The following MFHAS1 variants were observed in gnomAD, a reference collection of about 807,000 sequenced individuals.
MFHAS1 encodes malignant fibrous histiocytoma-amplified sequence 1.
Under a neutral mutation model 70.4 loss-of-function variants are expected in MFHAS1, and 50 were observed. The ratio of observed to expected loss-of-function variants is 0.71; its 90% CI spans 0.57 to 0.90. The LOEUF is 0.90. MFHAS1 is among the 40% of genes least tolerant of loss of function. The probability of loss-of-function intolerance (pLI) is 0.00; values close to 1 mark genes in which losing one functional copy is unlikely to be tolerated. For synonymous variants in MFHAS1, 952 were observed against 620.0 expected (o/e 1.54, Z -7.96); for missense variants, 1,795 against 1,347.6 (o/e 1.33, Z -5.20).
intron 1 of MFHAS1, among the ~76,000 whole-genome samples, chr8:8,829,190 G>C (rs1193113415): frequency 6.6e-6 from 1 of 151,746 alleles, no homozygotes; most frequent in African/African-American, 2.4e-5. Flanking sequence ...TCTGGGTGCG[G>C]AGCGCCCTCC....
chr8:8,866,856 T>C (rs950689922), intron 1 of MFHAS1, among the ~76,000 whole-genome samples: 2 of 152,214 alleles, frequency 1.3e-5, no homozygotes, highest in African/African-American at 4.8e-5. Context: ...AATAAAATCG[T>C]GATATGAATT....
intron 1 of MFHAS1, among the ~76,000 whole-genome samples, chr8:8,808,348 G>C (rs1477842013): frequency 6.6e-6 from 1 of 152,124 alleles, no homozygotes; most frequent in African/African-American, 2.4e-5. Context: ...TCCCCACGCT[G>C]TAAACGCTCC....
At chr8:8,868,106 C>G (rs1397589068) in intron 1 of MFHAS1, among the ~76,000 whole-genome samples, 1 of 152,026 alleles carries the variant, frequency 6.6e-6, no homozygotes, top group East Asian at 1.9e-4. Flanking sequence ...GATCCATTTT[C>G]TAGACCAAGT....
intron 1 of MFHAS1, among the ~76,000 whole-genome samples, chr8:8,839,034 C>T (rs1240233246): frequency 1.3e-5 from 2 of 152,040 alleles, no homozygotes; most frequent in Admixed American, 6.6e-5. Context: ...AAGACAAATG[C>T]TATTAAGAAA....
chr8:8,840,180 G>C (rs1398836335), intron 1 of MFHAS1, among the ~76,000 whole-genome samples: 1 of 152,134 alleles, frequency 6.6e-6, no homozygotes, highest in Non-Finnish European at 1.5e-5. Flanking sequence ...TTACTGGCCG[G>C]GCACAGTGAC....
intron 1 of MFHAS1, among the ~76,000 whole-genome samples, chr8:8,844,174 C>G (rs1440738409): frequency 6.6e-6 from 1 of 152,218 alleles, no homozygotes; most frequent in Non-Finnish European, 1.5e-5. Flanking sequence ...TTCTCAGGCT[C>G]AGCTTTGTCA....
intron 1 of MFHAS1, among the ~76,000 whole-genome samples, chr8:8,889,750 C>T (rs1172352728): frequency 2.0e-5 from 3 of 152,208 alleles, no homozygotes; most frequent in African/African-American, 4.8e-5. Flanking sequence ...ATCTGTTCAA[C>T]CACCTGAAAT....
intron 1 of MFHAS1, among the ~76,000 whole-genome samples, chr8:8,829,567 G>C (rs1243511760): frequency 6.6e-6 from 1 of 152,168 alleles, no homozygotes; most frequent in East Asian, 1.9e-4. Flanking sequence ...TGTAATCCCA[G>C]CTACTGAGGA....
intron 1 of MFHAS1, among the ~76,000 whole-genome samples, chr8:8,864,221 T>A (rs1163261828): frequency 6.6e-6 from 1 of 152,192 alleles, no homozygotes; most frequent in East Asian, 1.9e-4. Context: ...AAATCTCTGG[T>A]GTTCTGGTAA....
intron 1 of MFHAS1, among the ~76,000 whole-genome samples, chr8:8,875,102 T>C (rs1809239909): frequency 6.6e-6 from 1 of 152,140 alleles, no homozygotes; most frequent in Non-Finnish European, 1.5e-5. Context: ...GTTGAGGAGG[T>C]ACAGTGAAAA....
intron 1 of MFHAS1, among the ~76,000 whole-genome samples, chr8:8,885,602 G>A (rs938375455): frequency 6.6e-6 from 1 of 152,142 alleles, no homozygotes. Flanking sequence ...TCTAAGACAA[G>A]TATACAGGAC....
At chr8:8,854,514 C>A (rs1245720515) in intron 1 of MFHAS1, among the ~76,000 whole-genome samples, 2 of 108,594 alleles carry the variant, frequency 1.8e-5, no homozygotes, top group Non-Finnish European at 3.5e-5. Flanking sequence ...GAGCGAGACT[C>A]TGTCTCAAAA....
At chr8:8,822,396 G>A (rs1269181936) in intron 1 of MFHAS1, among the ~76,000 whole-genome samples, 1 of 152,152 alleles carries the variant, frequency 6.6e-6, no homozygotes, top group Non-Finnish European at 1.5e-5. Flanking sequence ...AGAGATGGGG[G>A]CAGGGGATGG....
chr8:8,873,392 G>A (rs959904764), intron 1 of MFHAS1, among the ~76,000 whole-genome samples: 1 of 151,918 alleles, frequency 6.6e-6, no homozygotes, highest in African/African-American at 2.4e-5. Flanking sequence ...CCTGACTGGG[G>A]ACTTTGTTAG....
At chr8:8,883,577 G>A (rs1436010189) in intron 1 of MFHAS1, among the ~76,000 whole-genome samples, 1 of 151,566 alleles carries the variant, frequency 6.6e-6, no homozygotes, top group Non-Finnish European at 1.5e-5. Context: ...GCGTGGTGGT[G>A]CATGCCTGTA....
chr8:8,859,667 T>G (rs1294807052), intron 1 of MFHAS1, among the ~76,000 whole-genome samples: 1 of 152,214 alleles, frequency 6.6e-6, no homozygotes, highest in African/African-American at 2.4e-5. Flanking sequence ...TCCTTACGGT[T>G]TTCTCAGTAA....
chr8:8,849,507 T>C (rs558508539), intron 1 of MFHAS1, among the ~76,000 whole-genome samples: 5 of 152,336 alleles, frequency 3.3e-5, no homozygotes, highest in Admixed American at 2.0e-4. Flanking sequence ...GTGTGTGTAT[T>C]CTGTGTCAGT....
intron 1 of MFHAS1, among the ~76,000 whole-genome samples, chr8:8,802,242 A>C (rs1381668196): frequency 6.6e-6 from 1 of 152,222 alleles, no homozygotes; most frequent in Non-Finnish European, 1.5e-5. Flanking sequence ...GCCAATGGTC[A>C]CAGGAAGAAG....
intron 1 of MFHAS1, among the ~76,000 whole-genome samples, chr8:8,841,187 T>A (rs534657712): frequency 4.7e-4 from 72 of 152,168 alleles, no homozygotes; most frequent in Middle Eastern, 3.2e-3. Context: ...TCAAGACTTC[T>A]TTTTGGGTCG....
Sources: gnomAD v4.1 joint callset for allele counts (sites outside exome capture counted in the v4.1 genomes callset) on GRCh38, gnomAD v4.1.1 for gene constraint, MANE v1.5 for transcripts, NCBI Gene and HGNC (gene_info 2026-07-23, HGNC 2026-07-21) for gene names.